Variants in ECT2 observed in about 807,000 individuals in gnomAD.
The protein encoded by ECT2 is epithelial cell transforming 2, also known as protein ECT2.
ECT2 carries 61 observed loss-of-function variants against 116.9 expected under a neutral mutation model. That is an observed-to-expected ratio of 0.52 (90% CI 0.42 to 0.65). The LOEUF is 0.65. Ranked by LOEUF, ECT2 falls within the 30% of genes least tolerant of loss-of-function variation. ECT2 has a pLI of 0.00. For missense variants in ECT2, 937 were observed against 1,078.7 expected, an observed-to-expected ratio of 0.87 and a Z score of 1.84; for synonymous variants, 358 against 346.4, an observed-to-expected ratio of 1.03 and a Z score of -0.37.
intron 14 of ECT2, among the ~76,000 whole-genome samples, chr3:172,778,670 A>C (rs887421367): frequency 1.5e-5 from 2 of 133,136 alleles, no homozygotes; most frequent in African/African-American, 2.9e-5. Context: ...ATCTCAGCTC[A>C]CTGCAACCTC....
the ECT2 span, among the ~76,000 whole-genome samples, chr3:172,827,738 A>G: frequency 6.6e-6 from 1 of 152,224 alleles, no homozygotes; most frequent in Non-Finnish European, 1.5e-5. Flanking sequence ...ACTATAGGTA[A>G]CAATAAACGT....
At chr3:172,795,323 C>CAAA (rs35674521) in intron 18 of ECT2, among the ~76,000 whole-genome samples, 6 of 104,404 alleles carry the variant, frequency 5.7e-5, no homozygotes, top group East Asian at 3.3e-4. Flanking sequence ...GAGACGCTAT[C>CAAA]AAAAAAAAAA....
In ECT2 at chr3:172,805,853, C is replaced by T. The variant is rs375500085; in HGVS notation, c.2229C>T (p.Asp743=). 24 of 1,613,076 alleles carry T rather than the reference C, an allele frequency of 1.5e-5. No homozygotes were observed. Among genetic ancestry groups the T allele is most frequent in the African/African-American group, 2.7e-5 (2 of 74,844 alleles). Residue 743 remains aspartate, a synonymous_variant, in exon 21 of 25, where the codon GAC becomes GAT. Coordinates refer to ENST00000392692, the MANE Select transcript of ECT2 (RefSeq NM_001258315.2). ...TTTCTCAGATTAAGAAGGTATTGGA[C>T]ATAAGAGAGACAGAAGGTATGCCGG... ...MPLSQIKKVL[D]IRETEDCHNA...
intron 1 of ECT2, among the ~76,000 whole-genome samples, chr3:172,751,837 T>C (rs1314263202): frequency 6.6e-6 from 1 of 152,182 alleles, no homozygotes; most frequent in Non-Finnish European, 1.5e-5. Flanking sequence ...GCTTCTGGAA[T>C]ACAGTAATTT....
rs1364225947 is a variant in ECT2 at position 172,755,496 on chromosome 3, T to C, written c.224T>C (p.Met75Thr). The C allele has an allele frequency of 2.7e-6, 4 of 1,503,252 alleles. No homozygotes were observed. The highest frequency in any genetic ancestry group is 2.7e-6 in the Non-Finnish European group (3 of 1,115,074). The allele number at this position is 1,503,252 out of a possible 1,614,324, so 93.1% of individuals were successfully genotyped here. A position where few individuals can be genotyped will look rare whatever the true frequency, so the allele number is the denominator to read the frequency against. Residue 75 changes from methionine (M) to threonine (T), a missense_variant, in exon 4 of 25, where the codon ATG (methionine) becomes ACG (threonine). Physicochemically the swap from Met to Thr is moderately conservative, Grantham distance 81. Transcript: ENST00000392692. The stretch of plus-strand genomic sequence containing the variant: ...TCTTTTCCACAGACTATTAAAATAA[T>C]GGAAGTCCCTGTTATAAAGATAAAA... ...LIKALKTIKI[M>T]EVPVIKIKES...
intron 14 of ECT2, among the ~76,000 whole-genome samples, chr3:172,777,554 G>A (rs1721966081): frequency 6.6e-6 from 1 of 152,104 alleles, no homozygotes; most frequent in Non-Finnish European, 1.5e-5. Flanking sequence ...CTTTTCCTCA[G>A]TATGAATTTT....
intron 13 of ECT2, among the ~76,000 whole-genome samples, chr3:172,771,946 G>A (rs1720731831): frequency 6.6e-6 from 1 of 152,118 alleles, no homozygotes; most frequent in Non-Finnish European, 1.5e-5. Flanking sequence ...AACTGTTCGT[G>A]TTTTTTGCCC....
chr3:172,774,175 C>T (rs1371834216), intron 14 of ECT2, among the ~76,000 whole-genome samples, 153 bp downstream of exon 14: 5 of 151,884 alleles, frequency 3.3e-5, no homozygotes, highest in Non-Finnish European at 5.9e-5. Context: ...CTCTTTGTTC[C>T]AGTGCCTCAT....
At chr3:172,800,024 TAG>T (rs1491551993) in intron 18 of ECT2, among the ~76,000 whole-genome samples, 1 of 152,144 alleles carries the variant, frequency 6.6e-6, no homozygotes, top group Non-Finnish European at 1.5e-5. Flanking sequence ...CAATGTGGGA[TAG>T]AGACAACCAG....
rs770710960 is a variant in ECT2, at chr3:172,816,790, AATG to A, written c.2611_2613del (p.Asp871del). The A allele has an allele frequency of 4.3e-6, 7 of 1,609,914 alleles. No individual in the cohort carries two copies. The East Asian group carries it at 1.3e-4, about 31-fold the overall frequency. ...AGTGGAGGGAAGAAGTCCTTCCAGC[AATG>A]ATAAGCATGTAATGAGTCGTCTTTC... On this transcript the variant is annotated inframe_deletion, in exon 24 of 25. Transcript: ENST00000392692.
chr3:172,767,683 A>G (rs906165317), intron 12 of ECT2, among the ~76,000 whole-genome samples: 61 of 152,220 alleles, frequency 4.0e-4, no homozygotes, highest in African/African-American at 1.4e-3. Context: ...AAGCTTTTAT[A>G]CATTAAAAAG....
chr3:172,810,544 A>G (rs1489200738), intron 22 of ECT2, among the ~76,000 whole-genome samples: 1 of 152,200 alleles, frequency 6.6e-6, no homozygotes, highest in Non-Finnish European at 1.5e-5. Context: ...AGTTGTTAGT[A>G]TAAATGTCTG....
At chr3:172,760,021 T>C (rs1717906776) in intron 6 of ECT2, 135 bp from the exon 7 acceptor site, 1 of 528,784 alleles carries the variant, frequency 1.9e-6, no homozygotes, top group Non-Finnish European at 3.2e-6. Flanking sequence ...ACATAAAATT[T>C]AATAGCTTTA....
chr3:172,796,551 G>A (rs1006821511), intron 18 of ECT2: 5 of 152,002 alleles, frequency 3.3e-5, no homozygotes, highest in Non-Finnish European at 5.9e-5. Context: ...CTGCCACTGC[G>A]CAAAGCTAAA....
intron 23 of ECT2, 132 bp from the exon 24 acceptor site, chr3:172,816,559 A>C (rs1264180823): frequency 3.1e-6 from 2 of 642,280 alleles, no homozygotes; most frequent in Admixed American, 3.5e-5. Context: ...GTTTTGTGCC[A>C]AAGAGATTCT....
At chr3:172,756,776 A>C (rs1368889855) in intron 4 of ECT2, among the ~76,000 whole-genome samples, 1 of 152,282 alleles carries the variant, frequency 6.6e-6, no homozygotes, top group African/African-American at 2.4e-5. Flanking sequence ...TTGAATGGAG[A>C]TATGTATATG....
chr3:172,800,430 A>G (rs903639449), intron 18 of ECT2, among the ~76,000 whole-genome samples: 1 of 152,222 alleles, frequency 6.6e-6, no homozygotes, highest in African/African-American at 2.4e-5. Flanking sequence ...AAAACAATAC[A>G]TAATAACATT....
rs1286109734 is a variant in ECT2, at chr3:172,802,986, G to C, written c.2106+6G>C. On this transcript the variant is annotated splice_donor_region_variant and intron_variant, in intron 20 of 24. Coordinates refer to ENST00000392692, the MANE Select transcript of ECT2 (RefSeq NM_001258315.2). ...TCTTCAATGATTGCCTAGAGGTAAAGATGTACTTCACATAGTATAATAACA... is the reference window on the plus strand; with the variant it reads ...TCTTCAATGATTGCCTAGAGGTAAACATGTACTTCACATAGTATAATAACA... 7 of 1,607,736 alleles carry C rather than the reference G, an allele frequency of 4.4e-6. No individual in the cohort carries two copies. The African/African-American group carries it at 8.0e-5, about 18-fold the overall frequency.
intron 18 of ECT2, among the ~76,000 whole-genome samples, chr3:172,796,039 A>G (rs1270447333): frequency 1.3e-5 from 2 of 151,850 alleles, no homozygotes; most frequent in African/African-American, 4.8e-5. Flanking sequence ...CCAGTGTGGG[A>G]GAGAGAGAGA....
Sources: gnomAD v4.1 joint callset for allele counts (sites outside exome capture counted in the v4.1 genomes callset) on GRCh38, gnomAD v4.1.1 for gene constraint, MANE v1.5 for transcripts, NCBI Gene and HGNC (gene_info 2026-07-23, HGNC 2026-07-21) for gene names.